NIPSNAP1: variants seen among roughly 807,000 people sequenced by gnomAD.
The protein encoded by NIPSNAP1 is protein NipSnap homolog 1.
Under a neutral mutation model 49.2 loss-of-function variants are expected in NIPSNAP1, and 25 were observed. That is an observed-to-expected ratio of 0.51 (90% confidence interval 0.37 to 0.71). The LOEUF is 0.71. Among genes scored for constraint, NIPSNAP1 ranks in the 30% least tolerant of loss-of-function variants. The pLI, the probability that NIPSNAP1 is intolerant of heterozygous loss-of-function variation, is 0.00. For synonymous variants in NIPSNAP1, 143 were observed against 140.7 expected, an observed-to-expected ratio of 1.02 and a Z score of -0.12; for missense variants, 294 against 361.0, an observed-to-expected ratio of 0.81 and a Z score of 1.50.
chr22:29,559,023 T>G, intron 8 of NIPSNAP1, 70 bp from the exon 9 acceptor site: 19 of 1,085,612 alleles, frequency 1.8e-5, no homozygotes, highest in Non-Finnish European at 2.5e-5. Flanking sequence ...CAGGGCCCTC[T>G]TCCCACTGTC....
intron 1 of NIPSNAP1, among the ~76,000 whole-genome samples, chr22:29,578,908 A>AT (rs2146620490): frequency 6.6e-6 from 1 of 151,126 alleles, no homozygotes; most frequent in African/African-American, 2.5e-5. Flanking sequence ...CCCAATCTTG[A>AT]TATTTTTATC....
At chr22:29,569,053 A>T in intron 4 of NIPSNAP1, 140 bp downstream of exon 4, 1 of 713,642 alleles carries the variant, frequency 1.4e-6, no homozygotes, top group Non-Finnish European at 2.5e-6. Flanking sequence ...GTATTTGAGC[A>T]GGGGAGTGAG....
chr22:29,561,269 C>T (rs1274951040), intron 6 of NIPSNAP1, 67 bp from the exon 7 acceptor site: 2 of 1,590,508 alleles, frequency 1.3e-6, no homozygotes, highest in Non-Finnish European at 1.7e-6. Flanking sequence ...CACAGCTTGG[C>T]AAGGAAGGGA....
chr22:29,555,659 T>G lies in NIPSNAP1; in HGVS notation c.*276A>C. The G allele has an allele frequency of 4.4e-6, 2 of 452,256 alleles. No homozygotes were observed. Among genetic ancestry groups the G allele is most frequent in the Non-Finnish European group, 8.2e-6 (2 of 243,390 alleles). 28.0% of individuals were successfully genotyped at this position (452,256 alleles called of 1,614,324 possible). A position where few individuals can be genotyped will look rare whatever the true frequency, so the allele number is the denominator to read the frequency against. On this transcript the variant is annotated 3_prime_UTR_variant, in exon 10 of 10. Coordinates refer to ENST00000216121, the MANE Select transcript of NIPSNAP1 (RefSeq NM_003634.4). ...CCTTGAGATGAGGAATTTTAGAAGA[T>G]AAATGAAGGCCTAAAAGATCACTAT...
intron 1 of NIPSNAP1, among the ~76,000 whole-genome samples, chr22:29,570,794 C>T (rs1204004536): frequency 6.6e-6 from 1 of 152,102 alleles, no homozygotes; most frequent in Non-Finnish European, 1.5e-5. Flanking sequence ...ACTTCTCTCT[C>T]TAGCCTCCCT....
Position 29,576,800 on chromosome 22 carries a change from C to G in NIPSNAP1, c.98+4185G>C, listed in dbSNP as rs549279854. 1.2e-3 allele frequency among the ~76,000 whole-genome samples: 176 copies of G among 151,200 alleles called. 8 individuals carry two copies. Among genetic ancestry groups the G allele is most frequent in the African/African-American group, 4.0e-3 (164 of 40,612 alleles). ...ATTAGCTGGGTGCGGTGGCAGGCGC[C>G]TGTAATCCCAGCTACTTGGGAGGCT... On this transcript the variant is annotated intron_variant, in intron 1 of 9. Transcript: ENST00000216121.
intron 3 of NIPSNAP1, 38 bp from the exon 4 acceptor site, chr22:29,569,325 GC>G: frequency 6.8e-7 from 1 of 1,471,390 alleles, no homozygotes; most frequent in Middle Eastern, 1.7e-4. Context: ...GGTTCACATA[GC>G]CACCAGGGCC....
chr22:29,567,911 C>G (rs2146609065), intron 4 of NIPSNAP1, among the ~76,000 whole-genome samples: 1 of 152,098 alleles, frequency 6.6e-6, no homozygotes, highest in East Asian at 1.9e-4. Context: ...GGCACGGTGG[C>G]TCATGTCTAC....
At chr22:29,580,924 C>T in intron 1 of NIPSNAP1, 61 bp downstream of exon 1, 2 of 1,362,190 alleles carry the variant, frequency 1.5e-6, no homozygotes, top group Non-Finnish European at 2.0e-6. Context: ...GACCCAGTCC[C>T]TGGCCCCCGC....
intron 1 of NIPSNAP1, among the ~76,000 whole-genome samples, chr22:29,575,592 C>T (rs2064445260): frequency 6.6e-6 from 1 of 152,194 alleles, no homozygotes; most frequent in Non-Finnish European, 1.5e-5. Context: ...TGCTCTCTAT[C>T]TTGTTCCAGA....
At chr22:29,558,794 G>T in intron 9 of NIPSNAP1, 76 bp downstream of exon 9, 1 of 1,094,216 alleles carries the variant, frequency 9.1e-7, no homozygotes, top group Non-Finnish European at 1.4e-6. Context: ...AATCAAGAAA[G>T]ACTAGATCTC....
chr22:29,564,552 T>C (rs1250953717), intron 4 of NIPSNAP1, among the ~76,000 whole-genome samples: 1 of 152,128 alleles, frequency 6.6e-6, no homozygotes, highest in East Asian at 1.9e-4. Context: ...TAGCTGGGAT[T>C]ACAGGCGCAT....
Position 29,555,642 on chromosome 22 carries a change from T to G in NIPSNAP1, c.*293A>C. 5.0e-6 allele frequency: 2 copies of G among 399,200 alleles called. No individual in the cohort carries two copies. The highest frequency in any genetic ancestry group is 5.2e-5 in the East Asian group (1 of 19,164). The allele number at this position is 399,200 out of a possible 1,614,324, so 24.7% of individuals were successfully genotyped here. ...TAACTGGGGACTGGTGGCCTTGAGA[T>G]GAGGAATTTTAGAAGATAAATGAAG... On this transcript the variant is annotated 3_prime_UTR_variant, in exon 10 of 10. Coordinates refer to ENST00000216121, the MANE Select transcript of NIPSNAP1 (RefSeq NM_003634.4).
In NIPSNAP1 at chr22:29,580,165, CAG is replaced by C. The variant is rs1012404001; in HGVS notation, c.98+818_98+819del. ...CTCTGAGGGTGGGAGGCTGGGGAAACAGAGAAAAATGAGATCATGGTCTAGTG... is the reference window on the plus strand; with the variant it reads ...CTCTGAGGGTGGGAGGCTGGGGAAACAGAAAAATGAGATCATGGTCTAGTG... On this transcript the variant is annotated intron_variant, in intron 1 of 9. Coordinates refer to ENST00000216121, the MANE Select transcript of NIPSNAP1 (RefSeq NM_003634.4). 35 of 1,304,082 alleles carry C rather than the reference CAG, an allele frequency of 2.7e-5. No homozygotes were observed. The Admixed American group carries it at 6.4e-4, about 24-fold the overall frequency. The allele number at this position is 1,304,082 out of a possible 1,614,324, so 80.8% of individuals were successfully genotyped here.
intron 1 of NIPSNAP1, 21 bp from the exon 2 acceptor site, chr22:29,570,553 G>A (rs1436842744): frequency 8.1e-6 from 13 of 1,609,854 alleles, no homozygotes; most frequent in Non-Finnish European, 1.1e-5. Flanking sequence ...GAGGAGTTGA[G>A]GGGGACGCGC....
At chr22:29,556,097 G>T in intron 9 of NIPSNAP1, 98 bp from the exon 10 acceptor site, 1 of 1,008,260 alleles carries the variant, frequency 9.9e-7, no homozygotes, top group Non-Finnish European at 1.5e-6. Context: ...GTGGGCAGGA[G>T]GAGGCCCCAG....
intron 1 of NIPSNAP1, among the ~76,000 whole-genome samples, chr22:29,576,646 C>T (rs1001584491): frequency 3.3e-5 from 5 of 151,420 alleles, no homozygotes; most frequent in Non-Finnish European, 7.3e-5. Flanking sequence ...AGACCTTAGG[C>T]TGGGCGTGGT....
Position 29,570,485 on chromosome 22 carries a change from A to G in NIPSNAP1, c.146T>C (p.Val49Ala). The stretch of plus-strand genomic sequence containing the variant: ...ATCCTTCCGGGGATCCACTTTGTGA[A>G]CAAAGAGGGAGCGGAACCAGCTGCC... ...NEGSWFRSLFVHKVDPRKDAH... is the reference protein window; with the variant it reads ...NEGSWFRSLFAHKVDPRKDAH... Residue 49 changes from valine (V) to alanine (A), a missense_variant, in exon 2 of 10, where the codon GTT becomes GCT. Physicochemically the swap from Val to Ala is moderately conservative, Grantham distance 64 (BLOSUM62 0). Around this residue, in one of 4 missense-constraint regions of NIPSNAP1, gnomAD observed 88 missense variants for 76.1 expected, o/e 1.16. Coordinates refer to ENST00000216121, the MANE Select transcript of NIPSNAP1 (RefSeq NM_003634.4). 6.2e-7 allele frequency: 1 copy of G among 1,614,152 alleles called. No individual in the cohort carries two copies. Among genetic ancestry groups the G allele is most frequent in the Non-Finnish European group, 8.5e-7 (1 of 1,180,010 alleles).
At chr22:29,570,141 G>A in intron 3 of NIPSNAP1, 21 bp downstream of exon 3, 1 of 1,612,130 alleles carries the variant, frequency 6.2e-7, no homozygotes, top group Non-Finnish European at 8.5e-7. Flanking sequence ...GGGATGGGAT[G>A]TATGGATGCA....
Sources: allele counts gnomAD v4.1 joint callset (sites outside exome capture counted in the v4.1 genomes callset), GRCh38; gene constraint gnomAD v4.1.1; regional missense constraint gnomAD v4.1.1; transcripts MANE v1.5; gene names NCBI Gene and HGNC (gene_info 2026-07-23, HGNC 2026-07-21).